FNIP1: variants seen among roughly 807,000 people sequenced by gnomAD.
The protein encoded by FNIP1 is folliculin-interacting protein 1.
FNIP1 carries 40 observed loss-of-function variants against 124.5 expected under a neutral mutation model. That is an observed-to-expected ratio of 0.32 (90% CI 0.25 to 0.42). The LOEUF is 0.42. Ranked by LOEUF, FNIP1 falls within the 10% of genes least tolerant of loss-of-function variation. The pLI is 1.00. For missense variants in FNIP1, 1,176 were observed against 1,403.7 expected, an observed-to-expected ratio of 0.84 and a Z score of 2.59; for synonymous variants, 472 against 470.6, an observed-to-expected ratio of 1.00 and a Z score of -0.04.
chr5:131,650,821 A>G (rs1040239196), intron 16 of FNIP1, among the ~76,000 whole-genome samples: 3 of 152,326 alleles, frequency 2.0e-5, no homozygotes, highest in African/African-American at 7.2e-5. Context: ...AGTTCTCCTA[A>G]TAAGTGAAAG....
At chr5:131,677,481 T>C in intron 13 of FNIP1, 1 of 449,280 alleles carries the variant, frequency 2.2e-6, no homozygotes, top group Non-Finnish European at 4.0e-6. Flanking sequence ...GCTATCAGCC[T>C]GCTCCTCTTG....
intron 11 of FNIP1, among the ~76,000 whole-genome samples, chr5:131,696,338 C>T (rs1274396895): frequency 1.3e-5 from 2 of 152,092 alleles, no homozygotes; most frequent in South Asian, 2.1e-4. Context: ...ATGAATGGCA[C>T]CCAAAATGTG....
Position 131,704,207 on chromosome 5 carries a change from A to C in FNIP1, c.974T>G (p.Val325Gly), listed in dbSNP as rs1451126008. ...CCCAATTGCAATCTTCTTTTTCCGC[A>C]CAATTCCTGGGTTAGGGCCACAGCT... ...DESCGPNPGI[V>G]RKKKIAIGVI... is the part of the protein sequence containing the mutation. Residue 325 changes from valine (V) to glycine (G), a missense_variant, in exon 10 of 18, where the codon GTG becomes GGG. Transcript: ENST00000510461. 6.2e-7 allele frequency: 1 copy of C among 1,613,792 alleles called. No homozygotes were observed. The highest frequency in any genetic ancestry group is 8.5e-7 in the Non-Finnish European group (1 of 1,179,792).
chr5:131,706,391 T>A lies in FNIP1; in HGVS notation c.914+20A>T, dbSNP rs1361313284. ...TAAGGAACTACTCAATCTTGTTCTG[T>A]GTTTAAAGTTCCAACTTACCATCTA... On this transcript the variant is annotated intron_variant, in intron 9 of 17. Transcript: ENST00000510461. The A allele has an allele frequency of 3.1e-6, 5 of 1,600,400 alleles. No individual in the cohort carries two copies. Among genetic ancestry groups the A allele is most frequent in the Non-Finnish European group, 1.7e-6 (2 of 1,173,392 alleles).
rs1769475113 is a variant in FNIP1 at position 131,716,648 on chromosome 5, T to C, written c.539A>G (p.Asp180Gly). The C allele has an allele frequency of 6.3e-7, 1 of 1,586,934 alleles. No individual in the cohort carries two copies. The highest frequency in any genetic ancestry group is 8.6e-7 in the Non-Finnish European group (1 of 1,165,952). ...GTCCTGATTGATGAATTCAAGACTATCTTGTAGCCTATGGAGGGTGAGAAG... is the reference window on the plus strand; with the variant it reads ...GTCCTGATTGATGAATTCAAGACTACCTTGTAGCCTATGGAGGGTGAGAAG... ...SICGSLNTLQDSLEFINQDNN... is the reference protein window; with the variant it reads ...SICGSLNTLQGSLEFINQDNN... The change falls in exon 6 of 18, where the codon GAT (aspartate) becomes GGT (glycine). Residue 180 changes from aspartate to glycine, a missense_variant. Around this residue, in one of 2 missense-constraint regions of FNIP1, gnomAD observed 1,109 missense variants for 1,288.5 expected, o/e 0.86. Coordinates refer to ENST00000510461, the MANE Select transcript of FNIP1 (RefSeq NM_133372.3).
chr5:131,766,621 G>A (rs1456692209), intron 1 of FNIP1, among the ~76,000 whole-genome samples: 10 of 152,208 alleles, frequency 6.6e-5, no homozygotes, highest in African/African-American at 2.4e-4. Flanking sequence ...TACAGAGGCT[G>A]AGAAGTCCCA....
At chr5:131,719,167 C>A in intron 4 of FNIP1, 107 bp from the exon 5 acceptor site, 1 of 1,183,490 alleles carries the variant, frequency 8.4e-7, no homozygotes, top group Non-Finnish European at 1.2e-6. Context: ...AGCATAGCTG[C>A]AAGAGCCATG....
chr5:131,765,470 A>G (rs1771388398), intron 1 of FNIP1, among the ~76,000 whole-genome samples: 1 of 152,168 alleles, frequency 6.6e-6, no homozygotes. Context: ...ATGTTAGAAC[A>G]TGTTTCTTTC....
At chr5:131,661,687 G>T (rs1224624315) in intron 15 of FNIP1, among the ~76,000 whole-genome samples, 1 of 152,190 alleles carries the variant, frequency 6.6e-6, no homozygotes, top group Non-Finnish European at 1.5e-5. Context: ...ACACACAAAA[G>T]TAATTTTCCT....
chr5:131,785,383 C>T (rs557343197), intron 1 of FNIP1, among the ~76,000 whole-genome samples: 166 of 151,290 alleles, frequency 1.1e-3, no homozygotes, highest in African/African-American at 3.7e-3. Context: ...GGTGAAACCC[C>T]GCCGCTACTA....
intron 17 of FNIP1, among the ~76,000 whole-genome samples, 163 bp downstream of exon 17, chr5:131,646,927 C>T (rs1488419831): frequency 2.0e-5 from 3 of 152,302 alleles, no homozygotes; most frequent in African/African-American, 7.2e-5. Flanking sequence ...TAGTGGATGA[C>T]AGGGAACCTG....
chr5:131,764,806 C>T (rs1771364201), intron 1 of FNIP1, among the ~76,000 whole-genome samples: 1 of 152,046 alleles, frequency 6.6e-6, no homozygotes. Flanking sequence ...ACAATAACTC[C>T]TCACTCAGAT....
intron 9 of FNIP1, among the ~76,000 whole-genome samples, chr5:131,704,518 T>C (rs1329561048): frequency 2.6e-5 from 4 of 152,178 alleles, no homozygotes; most frequent in Admixed American, 6.5e-5. Flanking sequence ...ACTAAAGAAG[T>C]AGATAATCCC....
intron 11 of FNIP1, among the ~76,000 whole-genome samples, chr5:131,690,121 G>A (rs1440743930): frequency 6.6e-6 from 1 of 152,136 alleles, no homozygotes; most frequent in Non-Finnish European, 1.5e-5. Flanking sequence ...TACTCAGGAG[G>A]CTGAGGCAGG....
intron 11 of FNIP1, among the ~76,000 whole-genome samples, chr5:131,698,701 C>G (rs561187211): frequency 5.3e-5 from 8 of 152,048 alleles, no homozygotes; most frequent in African/African-American, 1.9e-4. Context: ...TCAAATGGCC[C>G]AATACTGAAA....
chr5:131,739,462 G>A (rs1318676308), intron 2 of FNIP1, among the ~76,000 whole-genome samples: 15 of 152,128 alleles, frequency 9.9e-5, no homozygotes, highest in Non-Finnish European at 5.9e-5. Flanking sequence ...AACGTATTTG[G>A]ATGTATTTCT....
intron 1 of FNIP1, among the ~76,000 whole-genome samples, chr5:131,768,572 G>A (rs1771521050): frequency 1.3e-5 from 2 of 152,100 alleles, no homozygotes; most frequent in Admixed American, 1.3e-4. Context: ...CACTTTGGGA[G>A]GCTGATGCGG....
intron 1 of FNIP1, among the ~76,000 whole-genome samples, chr5:131,766,538 G>C (rs1487385353): frequency 1.3e-5 from 2 of 152,230 alleles, no homozygotes; most frequent in Admixed American, 6.5e-5. Flanking sequence ...GGGTTCTCTA[G>C]AGAGGTGGAA....
intron 6 of FNIP1, among the ~76,000 whole-genome samples, chr5:131,713,065 T>C (rs1023974212): frequency 8.0e-5 from 12 of 149,100 alleles, no homozygotes; most frequent in African/African-American, 1.7e-4. Context: ...CTCCTACCCC[T>C]TTTTTTTTTG....
Sources: gnomAD v4.1 joint callset for allele counts (sites outside exome capture counted in the v4.1 genomes callset) on GRCh38, gnomAD v4.1.1 for gene constraint, gnomAD v4.1.1 regional missense constraint, MANE v1.5 for transcripts, NCBI Gene and HGNC (gene_info 2026-07-23, HGNC 2026-07-21) for gene names.